The following NLGN1 variants were observed in gnomAD, a reference collection of about 807,000 sequenced individuals.
NLGN1 encodes the protein neuroligin-1.
NLGN1 carries 12 observed loss-of-function variants against 65.5 expected under a neutral mutation model. That is an observed-to-expected ratio of 0.18 (90% CI 0.12 to 0.30). The LOEUF is 0.30. Ranked by LOEUF, NLGN1 falls within the 10% of genes least tolerant of loss-of-function variation. The pLI is 1.00. For synonymous variants in NLGN1, 350 were observed against 359.5 expected (o/e 0.97, Z 0.30); for missense variants, 750 against 1,007.1 (o/e 0.74, Z 3.46).
chr3:173,690,745 T>A (rs182279665), intron 3 of NLGN1, among the ~76,000 whole-genome samples: 1 of 152,228 alleles, frequency 6.6e-6, no homozygotes, highest in East Asian at 1.9e-4. Context: ...TAAGAATAAA[T>A]GCACAACGAG....
At chr3:173,459,840 A>G (rs1196790814) in intron 2 of NLGN1, among the ~76,000 whole-genome samples, 5 of 152,084 alleles carry the variant, frequency 3.3e-5, no homozygotes, top group South Asian at 2.1e-4. Flanking sequence ...TGTGTATCAA[A>G]TACATATTTT....
chr3:173,796,194 C>A (rs550274140), intron 3 of NLGN1, among the ~76,000 whole-genome samples: 2 of 152,128 alleles, frequency 1.3e-5, no homozygotes, highest in South Asian at 2.1e-4. Context: ...GTATTTGAGA[C>A]CCAAAGTATA....
chr3:173,791,520 G>GT (rs200604296), intron 3 of NLGN1, among the ~76,000 whole-genome samples: 3,098 of 133,520 alleles, frequency 0.023, 89 homozygotes, highest in African/African-American at 0.067. Context: ...AGTTTCTTCT[G>GT]TTTTTTTTTT....
chr3:173,494,370 T>C (rs1378378290), intron 2 of NLGN1, among the ~76,000 whole-genome samples: 1 of 151,722 alleles, frequency 6.6e-6, no homozygotes, highest in Non-Finnish European at 1.5e-5. Flanking sequence ...TCAGTTGTTC[T>C]GCCCATTTGT....
intron 4 of NLGN1, among the ~76,000 whole-genome samples, chr3:174,029,021 G>T (rs1267601755): frequency 6.6e-6 from 1 of 152,170 alleles, no homozygotes; most frequent in Non-Finnish European, 1.5e-5. Flanking sequence ...TGCTACAGGG[G>T]TGAAGTCCTC....
At chr3:173,629,114 A>G (rs2149532410) in intron 3 of NLGN1, among the ~76,000 whole-genome samples, 1 of 150,112 alleles carries the variant, frequency 6.7e-6, no homozygotes, top group Non-Finnish European at 1.5e-5. Flanking sequence ...TTATTTTTCA[A>G]TTTAATCACA....
intron 3 of NLGN1, among the ~76,000 whole-genome samples, chr3:173,650,442 A>G (rs918843614): frequency 6.6e-6 from 1 of 152,162 alleles, no homozygotes; most frequent in African/African-American, 2.4e-5. Context: ...ATTTCACCAC[A>G]ATGGTTATTG....
At chr3:174,052,191 G>A (rs1302803436) in intron 4 of NLGN1, among the ~76,000 whole-genome samples, 3 of 151,958 alleles carry the variant, frequency 2.0e-5, no homozygotes, top group Admixed American at 6.6e-5. Context: ...GTAAAATGAG[G>A]TTGTCATTTC....
chr3:174,291,814 A>G, the NLGN1 span, among the ~76,000 whole-genome samples: 2 of 151,230 alleles, frequency 1.3e-5, no homozygotes, highest in African/African-American at 4.8e-5. Context: ...TGGGCACTAA[A>G]TACCAGAGAG....
chr3:173,432,895 C>T (rs940289901), intron 1 of NLGN1, among the ~76,000 whole-genome samples: 1 of 151,996 alleles, frequency 6.6e-6, no homozygotes, highest in Non-Finnish European at 1.5e-5. Flanking sequence ...TGGGTATCCT[C>T]ATTACTATGT....
At chr3:173,704,443 A>G (rs1767735331) in intron 3 of NLGN1, among the ~76,000 whole-genome samples, 1 of 152,206 alleles carries the variant, frequency 6.6e-6, no homozygotes, top group South Asian at 2.1e-4. Flanking sequence ...GGTAAATAAT[A>G]GAGACACTTT....
At chr3:173,835,070 G>A (rs888101991) in intron 4 of NLGN1, among the ~76,000 whole-genome samples, 6 of 152,100 alleles carry the variant, frequency 3.9e-5, no homozygotes. Context: ...TGTATCACAG[G>A]AGAAAATATT....
At chr3:174,117,494 G>T (rs746355267) in intron 4 of NLGN1, among the ~76,000 whole-genome samples, 5 of 151,756 alleles carry the variant, frequency 3.3e-5, no homozygotes, top group African/African-American at 7.3e-5. Context: ...AGTGGCGGGC[G>T]CCTGTAGTCC....
rs1368760020 is a variant in NLGN1, at chr3:174,279,534, T to G, written c.1533T>G (p.Tyr511Ter). ...CAGCCCACGGAGACGAGGTTCCCTA[T>G]GTACTGGGAATCCCCATGATTGGCC... is the stretch of plus-strand genomic sequence containing the variant. The change falls in exon 6 of 7, where the codon TAT (tyrosine) becomes TAG (stop). Residue 511 changes from tyrosine (Y) to a stop codon, truncating the protein, a stop_gained. Coordinates refer to ENST00000457714, the Ensembl canonical transcript of NLGN1. LOFTEE classifies it high-confidence loss of function. This position sits in a 1 kb window ranked among gnomAD's most constrained non-coding sequence, Gnocchi z 4.7. 1 of 1,613,070 alleles carries G rather than the reference T, an allele frequency of 6.2e-7. No homozygotes were observed. The highest frequency in any genetic ancestry group is 2.2e-5 in the East Asian group (1 of 44,822).
rs369120979 is a variant in NLGN1 at position 173,614,073 on chromosome 3, A to G, written c.493+8982A>G. Among the ~76,000 whole-genome samples, 66 of 150,580 alleles carry G rather than the reference A, an allele frequency of 4.4e-4. No individual in the cohort carries two copies. The South Asian group carries it at 5.9e-3, about 13-fold the overall frequency. On this transcript the variant is annotated intron_variant, in intron 3 of 6. Transcript: ENST00000457714. ...CATATCATCTCCTAGTCTTAGAAGC[A>G]TATAAAAACATCTGCCTTTTCATCT...
intron 3 of NLGN1, among the ~76,000 whole-genome samples, chr3:173,765,276 A>C (rs1376941162): frequency 6.6e-6 from 1 of 152,166 alleles, no homozygotes; most frequent in African/African-American, 2.4e-5. Context: ...GTGTTGCCAG[A>C]ATCTAAAACA....
At chr3:173,502,511 C>T (rs1284371126) in intron 2 of NLGN1, among the ~76,000 whole-genome samples, 1 of 152,120 alleles carries the variant, frequency 6.6e-6, no homozygotes, top group Non-Finnish European at 1.5e-5. Context: ...AAAAGGGATA[C>T]ATAGTTTTCT....
At chr3:173,919,648 AG>A in intron 4 of NLGN1, among the ~76,000 whole-genome samples, 1 of 152,182 alleles carries the variant, frequency 6.6e-6, no homozygotes, top group Non-Finnish European at 1.5e-5. Flanking sequence ...TATCTTAGCT[AG>A]AACAGTTTAA....
chr3:174,214,371 CT>C (rs1284407511), intron 4 of NLGN1, among the ~76,000 whole-genome samples: 1 of 152,176 alleles, frequency 6.6e-6, no homozygotes, highest in Non-Finnish European at 1.5e-5. Context: ...GTGAAACTAG[CT>C]TTTAGAAGCA....
Sources: gnomAD v4.1 joint callset for allele counts (sites outside exome capture counted in the v4.1 genomes callset) on GRCh38, gnomAD v4.1.1 for gene constraint, Gnocchi (gnomAD v3.1) non-coding constraint, MANE v1.5 for transcripts, NCBI Gene and HGNC (gene_info 2026-07-23, HGNC 2026-07-21) for gene names.